The following ASPG variants were observed in gnomAD, a reference collection of about 807,000 sequenced individuals.
The protein encoded by ASPG is asparaginase, also known as 60 kDa lysophospholipase.
In ASPG, 53 loss-of-function variants were observed where a neutral mutation model predicts 63.2. That is an observed-to-expected ratio of 0.84 (90% CI 0.67 to 1.05). The LOEUF is 1.05. Ranked by LOEUF, ASPG falls within the 50% of genes least tolerant of loss-of-function variation. The probability of loss-of-function intolerance (pLI) is 0.00; values close to 1 mark genes in which losing one functional copy is unlikely to be tolerated. For synonymous variants in ASPG, 370 were observed against 355.0 expected (o/e 1.04, Z -0.48); for missense variants, 741 against 794.4 (o/e 0.93, Z 0.81).
intron 4 of ASPG, 86 bp downstream of exon 4, chr14:104,095,742 C>T (rs750059878): frequency 3.9e-6 from 6 of 1,541,322 alleles, no homozygotes; most frequent in Non-Finnish European, 4.4e-6. Flanking sequence ...CGCTGCGGGA[C>T]CCCGGGCTTC....
At chr14:104,089,832 C>T (rs1305812444) in intron 1 of ASPG, among the ~76,000 whole-genome samples, 2 of 151,586 alleles carry the variant, frequency 1.3e-5, no homozygotes, top group African/African-American at 4.8e-5. Flanking sequence ...CCTGTAATCC[C>T]GGCTACTCGG....
chr14:104,087,055 A>G (rs902442825), intron 1 of ASPG, among the ~76,000 whole-genome samples: 15 of 146,498 alleles, frequency 1.0e-4, no homozygotes, highest in African/African-American at 3.8e-4. Context: ...AGCCACCAGC[A>G]CTCTGTCGGT....
chr14:104,109,436 C>A lies in ASPG; in HGVS notation c.1520+121C>A. On this transcript the variant is annotated intron_variant, in intron 13 of 15. Transcript: ENST00000551177. This position sits in a 1 kb window ranked among gnomAD's most constrained non-coding sequence, Gnocchi z 4.8. Reference sequence around the variant, plus strand: ...GTGTGGGGGCTTTCAGAGGCGAGGCCCGCTGACCTCAGTGTGCACCAACCT... The same window carrying A: ...GTGTGGGGGCTTTCAGAGGCGAGGCACGCTGACCTCAGTGTGCACCAACCT... 1 of 1,112,556 alleles carries A rather than the reference C, an allele frequency of 9.0e-7. No individual in the cohort carries two copies. Among genetic ancestry groups the A allele is most frequent in the Non-Finnish European group, 1.3e-6 (1 of 792,502 alleles). The allele number at this position is 1,112,556 out of a possible 1,614,324, so 68.9% of individuals were successfully genotyped here. A position where few individuals can be genotyped will look rare whatever the true frequency, so the allele number is the denominator to read the frequency against.
chr14:104,098,989 G>A lies in ASPG; in HGVS notation c.640+10G>A, dbSNP rs763845315. The A allele has an allele frequency of 3.2e-6, 5 of 1,576,864 alleles. No individual in the cohort carries two copies. Among genetic ancestry groups the A allele is most frequent in the Middle Eastern group, 1.9e-4 (1 of 5,324 alleles). On this transcript the variant is annotated intron_variant, in intron 6 of 15. Coordinates refer to ENST00000551177, the MANE Select transcript of ASPG (RefSeq NM_001080464.3). ...GGTGCTGACATCACAAGTAAGCCCC[G>A]CAGGAGCAGGGCCAGGTGCCTGCCC...
At chr14:104,106,583 AG>A (rs2037138919) in intron 10 of ASPG, among the ~76,000 whole-genome samples, 1 of 151,974 alleles carries the variant, frequency 6.6e-6, no homozygotes, top group Admixed American at 6.6e-5. Context: ...CCTTAGCTCC[AG>A]GGGAAGGGGT....
At chr14:104,090,414 T>G (rs2036333285) in intron 1 of ASPG, among the ~76,000 whole-genome samples, 1 of 152,268 alleles carries the variant, frequency 6.6e-6, no homozygotes, top group South Asian at 2.1e-4. Context: ...GGAGAGTGAC[T>G]TTTTGTTTCC....
intron 3 of ASPG, among the ~76,000 whole-genome samples, chr14:104,094,345 TA>T (rs1284226980): frequency 2.6e-5 from 4 of 151,980 alleles, no homozygotes; most frequent in African/African-American, 9.7e-5. Context: ...GTTGGAGTCT[TA>T]GTGGATTTAG....
intron 6 of ASPG, among the ~76,000 whole-genome samples, chr14:104,102,922 G>A (rs2036943714): frequency 6.6e-6 from 1 of 152,210 alleles, no homozygotes; most frequent in African/African-American, 2.4e-5. Context: ...GGTGTGGGGA[G>A]GGGGTGATGG....
Position 104,110,932 on chromosome 14 carries a change from C to T in ASPG, c.1521-570C>T. On this transcript the variant is annotated intron_variant, in intron 13 of 15. Coordinates refer to ENST00000551177, the MANE Select transcript of ASPG (RefSeq NM_001080464.3). The surrounding 1 kb of genome is among the most constrained non-coding windows in gnomAD (Gnocchi z 4.7). ...GGCAGGTGGGCCCAGACCCCTGTCC[C>T]AGCCAGGACCCCCCCATGCAGTCTG... The T allele has an allele frequency of 1.0e-6, 1 of 985,384 alleles. No homozygotes were observed. Among genetic ancestry groups the T allele is most frequent in the East Asian group, 1.1e-4 (1 of 8,806 alleles). 61.0% of individuals were successfully genotyped at this position (985,384 alleles called of 1,614,324 possible).
chr14:104,100,890 T>C (rs1348462509), intron 6 of ASPG, among the ~76,000 whole-genome samples: 5 of 152,152 alleles, frequency 3.3e-5, no homozygotes, highest in Non-Finnish European at 5.9e-5. Flanking sequence ...GGCTCCCCCA[T>C]GGGGCCTGAT....
Position 104,085,844 on chromosome 14 carries a change from A to T in ASPG, c.74A>T (p.Glu25Val), listed in dbSNP as rs2036206834. The T allele has an allele frequency of 2.5e-6, 4 of 1,585,466 alleles. No individual in the cohort carries two copies. In the East Asian group the frequency reaches 9.4e-5, roughly 37 times the overall value. ...YTGGTIGMRSELGVLVPGTGL... is the reference protein window; with the variant it reads ...YTGGTIGMRSVLGVLVPGTGL... ...GGCGGCACCATTGGCATGCGGAGTGAGCTCGGCGGTGAGTCCGAGACCCTG... is the reference window on the plus strand; with the variant it reads ...GGCGGCACCATTGGCATGCGGAGTGTGCTCGGCGGTGAGTCCGAGACCCTG... The change falls in exon 1 of 16, where the codon GAG (glutamate) becomes GTG (valine). Residue 25 changes from glutamate to valine, a missense_variant. By Grantham distance (121) the Glu-to-Val change is moderately radical (BLOSUM62 -2). Transcript: ENST00000551177.
intron 1 of ASPG, among the ~76,000 whole-genome samples, chr14:104,092,418 C>A (rs1015807112): frequency 3.9e-5 from 6 of 152,160 alleles, no homozygotes; most frequent in Admixed American, 3.9e-4. Context: ...GGAATCACCA[C>A]GGGCTCCAAG....
intron 7 of ASPG, among the ~76,000 whole-genome samples, chr14:104,104,075 C>A (rs71417894): frequency 0.11 from 17,408 of 152,316 alleles, 1,202 homozygotes; most frequent in Middle Eastern, 0.17. Flanking sequence ...CCACACAAAG[C>A]CTTCGTCCCT....
chr14:104,097,305 C>T (rs1346589449), intron 4 of ASPG, among the ~76,000 whole-genome samples: 1 of 152,054 alleles, frequency 6.6e-6, no homozygotes, highest in Non-Finnish European at 1.5e-5. Context: ...AGGCTGGCAT[C>T]GTCTGCAGGG....
chr14:104,106,060 T>C (rs2037113842), intron 10 of ASPG, among the ~76,000 whole-genome samples: 1 of 152,226 alleles, frequency 6.6e-6, no homozygotes, highest in Admixed American at 6.5e-5. Context: ...GGTTTCCCCC[T>C]ACAGGGATGG....
At position 104,110,801 on chromosome 14, in the gene ASPG, C is replaced by A; in HGVS notation, c.1521-701C>A. ...GGTGGAGCCTTCCCTGCCGGGTCCC[C>A]ACCTGGCCTGCTCCTGGCCTCCCCA... On this transcript the variant is annotated intron_variant, in intron 13 of 15. Transcript: ENST00000551177. The surrounding 1 kb of genome is among the most constrained non-coding windows in gnomAD (Gnocchi z 4.7). 1.0e-6 allele frequency: 1 copy of A among 985,308 alleles called. No homozygotes were observed. The allele number at this position is 985,308 out of a possible 1,614,324, so 61.0% of individuals were successfully genotyped here. A position where few individuals can be genotyped will look rare whatever the true frequency, so the allele number is the denominator to read the frequency against.
In ASPG at chr14:104,093,524, C is replaced by G. The variant is rs368889628; in HGVS notation, c.225C>G (p.Thr75=). ...GCCGCAACCAGAGGATTCTCTACAC[C>G]GTGCTGGAGTGCCAGCCCCTCTTCG... The part of the protein sequence containing the change: ...PASRNQRILY[T]VLECQPLFDS... Residue 75 remains threonine, a synonymous_variant, in exon 3 of 16, where the codon ACC becomes ACG. Coordinates refer to ENST00000551177, the MANE Select transcript of ASPG (RefSeq NM_001080464.3). 732 of 1,612,806 alleles carry G rather than the reference C, an allele frequency of 4.5e-4. No individual in the cohort carries two copies. Among genetic ancestry groups the G allele is most frequent in the Non-Finnish European group, 5.8e-4 (683 of 1,179,834 alleles).
At chr14:104,104,813 C>T (rs1596099818) in intron 9 of ASPG, 78 bp downstream of exon 9, 20 of 1,256,930 alleles carry the variant, frequency 1.6e-5, no homozygotes, top group Admixed American at 7.1e-5. Context: ...ATGTCTGGGG[C>T]GATGCCGGAA....
In ASPG at chr14:104,110,828, G is replaced by C. The variant is rs1053402491; in HGVS notation, c.1521-674G>C. 1 of 985,236 alleles carries C rather than the reference G, an allele frequency of 1.0e-6. No individual in the cohort carries two copies. The highest frequency in any genetic ancestry group is 1.1e-4 in the East Asian group (1 of 8,812). The allele number at this position is 985,236 out of a possible 1,614,324, so 61.0% of individuals were successfully genotyped here. On this transcript the variant is annotated intron_variant, in intron 13 of 15. Coordinates refer to ENST00000551177, the MANE Select transcript of ASPG (RefSeq NM_001080464.3). This position sits in a 1 kb window ranked among gnomAD's most constrained non-coding sequence, Gnocchi z 4.7. ...CCTGGCCTGCTCCTGGCCTCCCCAG[G>C]TGGCGAGTGAGTTCTTCCCAGGAGG...
Sources: gnomAD v4.1 joint callset for allele counts (sites outside exome capture counted in the v4.1 genomes callset) on GRCh38, gnomAD v4.1.1 for gene constraint, Gnocchi (gnomAD v3.1) non-coding constraint, MANE v1.5 for transcripts, NCBI Gene and HGNC (gene_info 2026-07-23, HGNC 2026-07-21) for gene names.